Variants in RAB3B observed in about 807,000 individuals in gnomAD.
RAB3B encodes ras-related protein Rab-3B.
RAB3B carries 11 observed loss-of-function variants against 20.5 expected under a neutral mutation model. The ratio of observed to expected loss-of-function variants is 0.54; its 90% confidence interval spans 0.34 to 0.89. RAB3B has a LOEUF of 0.89. RAB3B is among the 40% of genes least tolerant of loss of function. The pLI, the probability that RAB3B is intolerant of heterozygous loss-of-function variation, is 0.02. For missense variants in RAB3B, 225 were observed against 280.9 expected, an observed-to-expected ratio of 0.80 and a Z score of 1.42; for synonymous variants, 99 against 106.3, an observed-to-expected ratio of 0.93 and a Z score of 0.42.
intron 2 of RAB3B, among the ~76,000 whole-genome samples, chr1:51,944,865 T>C (rs993766474): frequency 2.0e-5 from 3 of 152,178 alleles, no homozygotes; most frequent in African/African-American, 7.2e-5. Context: ...ATAAACATAG[T>C]TGGATAAAGC....
chr1:51,923,861 C>A (rs1229666119), intron 4 of RAB3B, among the ~76,000 whole-genome samples: 1 of 152,074 alleles, frequency 6.6e-6, no homozygotes, highest in Non-Finnish European at 1.5e-5. Flanking sequence ...AATGAATACA[C>A]AAATAAATTA....
At chr1:51,973,770 C>G (rs1454389303) in intron 2 of RAB3B, among the ~76,000 whole-genome samples, 1 of 152,130 alleles carries the variant, frequency 6.6e-6, no homozygotes, top group Admixed American at 6.5e-5. Flanking sequence ...ACCACAAAAG[C>G]TCACAATTGG....
intron 2 of RAB3B, among the ~76,000 whole-genome samples, chr1:51,976,021 G>T (rs1465477054): frequency 1.3e-5 from 2 of 151,674 alleles, no homozygotes; most frequent in Non-Finnish European, 2.9e-5. Context: ...TCCAGCTCCA[G>T]TGTATGTTTC....
chr1:51,935,409 C>T (rs1377284613), intron 3 of RAB3B, among the ~76,000 whole-genome samples: 3 of 152,152 alleles, frequency 2.0e-5, no homozygotes, highest in Non-Finnish European at 4.4e-5. Flanking sequence ...GACCAAGTTA[C>T]CCACAGACAA....
intron 1 of RAB3B, among the ~76,000 whole-genome samples, chr1:51,988,898 A>C (rs2124325025): frequency 6.6e-6 from 1 of 152,046 alleles, no homozygotes; most frequent in Non-Finnish European, 1.5e-5. Flanking sequence ...GTTTCCTCTG[A>C]TAGGAACACA....
chr1:51,933,758 C>T (rs548047005), intron 3 of RAB3B, among the ~76,000 whole-genome samples: 196 of 152,226 alleles, frequency 1.3e-3, no homozygotes, highest in African/African-American at 4.3e-3. Flanking sequence ...AAGAAATGTC[C>T]GTTATTTAAG....
chr1:51,944,641 G>A (rs149212294), intron 2 of RAB3B, among the ~76,000 whole-genome samples: 13 of 152,318 alleles, frequency 8.5e-5, no homozygotes, highest in African/African-American at 1.9e-4. Flanking sequence ...TGAAGTAACT[G>A]CAGATCTAAG....
At chr1:51,959,014 G>A (rs1002570743) in intron 2 of RAB3B, among the ~76,000 whole-genome samples, 1 of 152,192 alleles carries the variant, frequency 6.6e-6, no homozygotes, top group African/African-American at 2.4e-5. Flanking sequence ...CTGTAGACCC[G>A]AGTCAGACCC....
intron 2 of RAB3B, among the ~76,000 whole-genome samples, chr1:51,957,654 C>T (rs563807127): frequency 2.6e-5 from 4 of 152,234 alleles, no homozygotes; most frequent in Admixed American, 6.5e-5. Context: ...TATAAACAGT[C>T]GTGTTCATTT....
intron 2 of RAB3B, among the ~76,000 whole-genome samples, chr1:51,938,553 G>C (rs549460527): frequency 6.6e-6 from 1 of 152,200 alleles, no homozygotes; most frequent in East Asian, 1.9e-4. Context: ...ACTTGTATGT[G>C]TGATGTATTA....
At chr1:51,964,366 T>C (rs1684819959) in intron 2 of RAB3B, among the ~76,000 whole-genome samples, 1 of 152,160 alleles carries the variant, frequency 6.6e-6, no homozygotes, top group Non-Finnish European at 1.5e-5. Context: ...TTCCCGATTC[T>C]CCCTCATCTT....
chr1:51,931,990 C>A (rs1684333299), intron 4 of RAB3B, among the ~76,000 whole-genome samples: 1 of 152,142 alleles, frequency 6.6e-6, no homozygotes, highest in African/African-American at 2.4e-5. Context: ...CAATGGACCA[C>A]ATGGAGGCAC....
chr1:51,981,314 C>A (rs1394132784), intron 1 of RAB3B, among the ~76,000 whole-genome samples: 2 of 152,218 alleles, frequency 1.3e-5, no homozygotes, highest in Non-Finnish European at 2.9e-5. Context: ...AGGCGAGAGC[C>A]ACCACACCCA....
chr1:51,971,634 A>G (rs1229666180), intron 2 of RAB3B, among the ~76,000 whole-genome samples: 2 of 151,774 alleles, frequency 1.3e-5, no homozygotes, highest in Non-Finnish European at 2.9e-5. Context: ...GGGTTTCACT[A>G]TGTTGGCCAG....
At chr1:51,940,325 T>TA (rs199642882) in intron 2 of RAB3B, among the ~76,000 whole-genome samples, 53 of 151,428 alleles carry the variant, frequency 3.5e-4, no homozygotes, top group Admixed American at 4.0e-4. Flanking sequence ...ATAAGTGGTA[T>TA]AAAAAAAAAT....
chr1:51,952,012 G>A (rs567675016), intron 2 of RAB3B, among the ~76,000 whole-genome samples: 3 of 152,184 alleles, frequency 2.0e-5, no homozygotes, highest in Non-Finnish European at 4.4e-5. Context: ...TCAGGACCCT[G>A]TCTAAATTCA....
chr1:51,980,801 C>T, intron 1 of RAB3B: 1 of 749,558 alleles, frequency 1.3e-6, no homozygotes, highest in Non-Finnish European at 2.4e-6. Context: ...GCCCCACGAC[C>T]CCCACCAAAG....
rs899747376 is a variant in RAB3B, at chr1:51,916,616, G to A, written c.*3311C>T. The A allele has an allele frequency of 1.3e-5, 2 of 152,198 alleles. No individual in the cohort carries two copies. The highest frequency in any genetic ancestry group is 2.4e-5 in the African/African-American group (1 of 41,440). 9.4% of individuals were successfully genotyped at this position (152,198 alleles called of 1,614,324 possible). On this transcript the variant is annotated 3_prime_UTR_variant, in exon 5 of 5. Transcript: ENST00000371655. ...AGTCACTCTTCACAAATGCCCCATT[G>A]CTGGAGCATAGAGGCTGTTCAAAGT...
rs565500682 is a variant in RAB3B at position 51,911,389 on chromosome 1, T to C, written c.*8538A>G. 3 of 152,190 alleles carry C rather than the reference T, an allele frequency of 2.0e-5. No homozygotes were observed. The South Asian group carries it at 6.3e-4, about 32-fold the overall frequency. 9.4% of individuals were successfully genotyped at this position (152,190 alleles called of 1,614,324 possible). On this transcript the variant is annotated 3_prime_UTR_variant, in exon 5 of 5. Transcript: ENST00000371655. ...GAATGACCCAGGTTTTTTTTGTTTG[T>C]TTTTGTTTGTTTGTTTGTTTGTTTT...
Sources: gnomAD v4.1 joint callset for allele counts (sites outside exome capture counted in the v4.1 genomes callset) on GRCh38, gnomAD v4.1.1 for gene constraint, MANE v1.5 for transcripts, NCBI Gene and HGNC (gene_info 2026-07-23, HGNC 2026-07-21) for gene names.